Variants in FHIT observed in about 807,000 individuals in gnomAD.
FHIT encodes the protein fragile histidine triad diadenosine triphosphatase.
A neutral mutation model predicts 17.9 loss-of-function variants in FHIT; 19 were observed. That is an observed-to-expected ratio of 1.06 (90% CI 0.74 to 1.56). The LOEUF (loss-of-function observed/expected upper bound fraction) is 1.56, where lower values mean the gene tolerates loss of function less well. Among genes scored for constraint, FHIT ranks in the 40% most tolerant of loss-of-function variants. The pLI is 0.00. For synonymous variants in FHIT, 81 were observed against 69.7 expected (o/e 1.16, Z -0.81); for missense variants, 248 against 189.2 (o/e 1.31, Z -1.82).
chr3:60,259,806 T>C (rs371036939), intron 5 of FHIT, among the ~76,000 whole-genome samples: 6 of 151,972 alleles, frequency 3.9e-5, no homozygotes, highest in African/African-American at 1.5e-4. Context: ...GTATCCAATA[T>C]AAATTGGAAT....
At chr3:59,941,217 T>C (rs1454758160) in intron 7 of FHIT, among the ~76,000 whole-genome samples, 1 of 152,162 alleles carries the variant, frequency 6.6e-6, no homozygotes, top group African/African-American at 2.4e-5. Context: ...TATGCAATAG[T>C]GTATGCTGAT....
At chr3:60,833,262 C>T (rs898888788) in intron 3 of FHIT, among the ~76,000 whole-genome samples, 9 of 152,166 alleles carry the variant, frequency 5.9e-5, no homozygotes, top group Non-Finnish European at 1.2e-4. Context: ...TCCAGTCTTC[C>T]TCCTGGGGAA....
At chr3:60,330,000 A>G (rs1045516869) in intron 5 of FHIT, among the ~76,000 whole-genome samples, 6 of 152,204 alleles carry the variant, frequency 3.9e-5, no homozygotes, top group Non-Finnish European at 1.5e-5. Flanking sequence ...ATTGCCCCAT[A>G]TGTTCAAATA....
At chr3:61,239,587 A>G (rs977862529) in intron 1 of FHIT, among the ~76,000 whole-genome samples, 4 of 151,896 alleles carry the variant, frequency 2.6e-5, no homozygotes, top group Non-Finnish European at 4.4e-5. Flanking sequence ...TGTACTTGAC[A>G]TATTATTATT....
chr3:59,972,817 C>T (rs577265256), intron 7 of FHIT, among the ~76,000 whole-genome samples: 2 of 152,168 alleles, frequency 1.3e-5, no homozygotes, highest in Middle Eastern at 3.4e-3. Context: ...CTTGTCTCCT[C>T]GAGGTTCTCT....
chr3:59,929,363 G>GTTTTTTTTTTTTTTTT (rs869243844), intron 7 of FHIT, among the ~76,000 whole-genome samples: 3 of 67,052 alleles, frequency 4.5e-5, no homozygotes, highest in Non-Finnish European at 8.1e-5. Flanking sequence ...TGTTTTTTTG[G>GTTTTTTTTTTTTTTTT]TTTTTTTTTT....
At chr3:60,624,529 G>T (rs1553680098) in intron 4 of FHIT, among the ~76,000 whole-genome samples, 1 of 152,170 alleles carries the variant, frequency 6.6e-6, no homozygotes, top group African/African-American at 2.4e-5. Context: ...GGAATGAAGA[G>T]AGAGGACTGC....
intron 2 of FHIT, among the ~76,000 whole-genome samples, chr3:61,194,491 CT>C (rs2038801409): frequency 6.6e-6 from 1 of 152,128 alleles, no homozygotes; most frequent in African/African-American, 2.4e-5. Flanking sequence ...GGAAAACTAA[CT>C]GTACAACAGG....
At chr3:60,914,418 A>G (rs1176801871) in intron 3 of FHIT, among the ~76,000 whole-genome samples, 1 of 151,936 alleles carries the variant, frequency 6.6e-6, no homozygotes, top group Non-Finnish European at 1.5e-5. Context: ...AACCATCCTG[A>G]GTGTTCAGAA....
intron 1 of FHIT, among the ~76,000 whole-genome samples, chr3:61,207,024 A>C (rs1366171914): frequency 6.6e-6 from 1 of 152,220 alleles, no homozygotes; most frequent in Admixed American, 6.5e-5. Flanking sequence ...AGTTTTTAGC[A>C]TGAAGAGTTG....
intron 4 of FHIT, among the ~76,000 whole-genome samples, chr3:60,733,944 C>T (rs1303649129): frequency 6.6e-6 from 1 of 152,062 alleles, no homozygotes; most frequent in East Asian, 1.9e-4. Flanking sequence ...AGTCAAGTCT[C>T]CATAGTTAAG....
At chr3:59,793,294 A>G (rs754960240) in intron 8 of FHIT, among the ~76,000 whole-genome samples, 23 of 152,188 alleles carry the variant, frequency 1.5e-4, no homozygotes, top group Non-Finnish European at 2.6e-4. Flanking sequence ...TTCAGGCCAA[A>G]TAATGAAGCA....
intron 7 of FHIT, among the ~76,000 whole-genome samples, chr3:59,960,482 TG>T (rs138262384): frequency 0.01 from 1,536 of 152,300 alleles, 28 homozygotes; most frequent in African/African-American, 0.035. Context: ...GAATACCTTT[TG>T]GGCATCCTAG....
At chr3:61,206,987 T>A (rs891968386) in intron 1 of FHIT, among the ~76,000 whole-genome samples, 8 of 152,188 alleles carry the variant, frequency 5.3e-5, no homozygotes, top group Admixed American at 1.3e-4. Context: ...TTTTGAGATA[T>A]GACCCATCAA....
At chr3:60,927,934 C>T (rs1707737635) in intron 3 of FHIT, among the ~76,000 whole-genome samples, 1 of 152,214 alleles carries the variant, frequency 6.6e-6, no homozygotes, top group African/African-American at 2.4e-5. Flanking sequence ...AAGAAGTAGA[C>T]ATAGGAGACT....
intron 1 of FHIT, among the ~76,000 whole-genome samples, chr3:61,241,255 C>G (rs2040367139): frequency 1.3e-5 from 2 of 152,132 alleles, no homozygotes; most frequent in Non-Finnish European, 2.9e-5. Context: ...AGGACTGAAA[C>G]AATCTTACTC....
intron 3 of FHIT, among the ~76,000 whole-genome samples, chr3:60,853,867 A>T (rs1468215563): frequency 6.6e-6 from 1 of 152,158 alleles, no homozygotes; most frequent in African/African-American, 2.4e-5. Context: ...CCACATACAC[A>T]AAAACACCTG....
chr3:60,256,101 T>A lies in FHIT; in HGVS notation c.104-241949A>T, dbSNP rs550225554. Among the ~76,000 whole-genome samples the A allele has an allele frequency of 3.3e-5, 5 of 152,320 alleles. No homozygotes were observed. The East Asian group carries it at 9.6e-4, about 29-fold the overall frequency. On this transcript the variant is annotated intron_variant, in intron 5 of 9. Coordinates refer to ENST00000492590, the MANE Select transcript of FHIT (RefSeq NM_002012.4). ...ATGATCTTGAGCTCTGTAACCTCCA[T>A]TGATCTTACCAGTGGCTCAGCTAGC...
chr3:61,037,247 A>G (rs970691611), intron 3 of FHIT, among the ~76,000 whole-genome samples: 1 of 152,102 alleles, frequency 6.6e-6, no homozygotes, highest in African/African-American at 2.4e-5. Flanking sequence ...GACCGCTTAG[A>G]AAAGCGCTAC....
Sources: gnomAD v4.1 joint callset for allele counts (sites outside exome capture counted in the v4.1 genomes callset) on GRCh38, gnomAD v4.1.1 for gene constraint, MANE v1.5 for transcripts, NCBI Gene and HGNC (gene_info 2026-07-23, HGNC 2026-07-21) for gene names.